PRKN: variants seen among roughly 807,000 people sequenced by gnomAD.
PRKN encodes the protein E3 ubiquitin-protein ligase parkin.
Under a neutral mutation model 59.5 loss-of-function variants are expected in PRKN, and 56 were observed. That is an observed-to-expected ratio of 0.94 (90% CI 0.76 to 1.18). PRKN has a LOEUF of 1.18. PRKN is among the 50% of genes most tolerant of loss of function. The probability of loss-of-function intolerance (pLI) is 0.00; values close to 1 mark genes in which losing one functional copy is unlikely to be tolerated. For synonymous variants in PRKN, 250 were observed against 222.1 expected (o/e 1.13, Z -1.12); for missense variants, 657 against 596.4 (o/e 1.10, Z -1.06).
At chr6:162,073,353 C>T (rs553241032) in intron 4 of PRKN, among the ~76,000 whole-genome samples, 6 of 152,206 alleles carry the variant, frequency 3.9e-5, no homozygotes, top group African/African-American at 1.4e-4. Context: ...CTCAGTACTG[C>T]CAAGTTAACT....
intron 9 of PRKN, among the ~76,000 whole-genome samples, chr6:161,500,470 C>T (rs1443888154): frequency 6.6e-6 from 1 of 152,182 alleles, no homozygotes; most frequent in Non-Finnish European, 1.5e-5. Flanking sequence ...ATCCTTTCCT[C>T]CCCAAACCCC....
chr6:162,597,781 C>T (rs1781548985), intron 1 of PRKN, among the ~76,000 whole-genome samples: 1 of 152,114 alleles, frequency 6.6e-6, no homozygotes, highest in Non-Finnish European at 1.5e-5. Flanking sequence ...GGCCTGGTCC[C>T]CCACAGGGTG....
intron 7 of PRKN, among the ~76,000 whole-genome samples, chr6:161,713,351 C>G (rs575904975): frequency 1.5e-4 from 23 of 152,224 alleles, no homozygotes; most frequent in African/African-American, 5.3e-4. Flanking sequence ...TCTAGTACCC[C>G]CTTCCCAGAG....
chr6:161,643,626 T>C (rs1474139931), intron 7 of PRKN, among the ~76,000 whole-genome samples: 1 of 152,218 alleles, frequency 6.6e-6, no homozygotes, highest in Non-Finnish European at 1.5e-5. Flanking sequence ...AGATGTCATA[T>C]AACTATCTCT....
rs1790119677 is a variant in PRKN, at chr6:161,459,699, T to C, written c.1084-72822A>G. 6.6e-6 allele frequency among the ~76,000 whole-genome samples: 1 copy of C among 152,216 alleles called. No homozygotes were observed. The highest frequency in any genetic ancestry group is 1.5e-5 in the Non-Finnish European group (1 of 68,038). ...TTAGAGGTTTCCACTTATATGTAGATTTGTCCAGGGTCCTAGGAAACTAGC... is the reference window on the plus strand; with the variant it reads ...TTAGAGGTTTCCACTTATATGTAGACTTGTCCAGGGTCCTAGGAAACTAGC... On this transcript the variant is annotated intron_variant, in intron 9 of 11. Transcript: ENST00000366898. The surrounding 1 kb of genome is among the most constrained non-coding windows in gnomAD (Gnocchi z 4.8).
At chr6:161,625,561 A>C (rs547252887) in intron 7 of PRKN, among the ~76,000 whole-genome samples, 23 of 152,338 alleles carry the variant, frequency 1.5e-4, no homozygotes, top group African/African-American at 5.5e-4. Flanking sequence ...TTAAAGTATA[A>C]TTTTAAAAAA....
chr6:161,684,698 T>G (rs1785490622), intron 7 of PRKN, among the ~76,000 whole-genome samples: 1 of 151,746 alleles, frequency 6.6e-6, no homozygotes, highest in Admixed American at 6.6e-5. Flanking sequence ...TATTTTAAAA[T>G]GAGATAATTT....
Position 161,900,573 on chromosome 6 carries a change from GTAATATATTATATAT to G in PRKN, c.734+72714_734+72728del, listed in dbSNP as rs1288627039. 5.8e-4 allele frequency among the ~76,000 whole-genome samples: 48 copies of G among 83,430 alleles called. 1 individual carries two copies. The highest frequency in any genetic ancestry group is 1.7e-3 in the African/African-American group (37 of 21,418). The allele number at this position is 83,430 out of a possible 152,430, so 54.7% of individuals were successfully genotyped here. A position where few individuals can be genotyped will look rare whatever the true frequency, so the allele number is the denominator to read the frequency against. On this transcript the variant is annotated intron_variant, in intron 6 of 11. Transcript: ENST00000366898. ...ACATATTTTATATGTTATATATTATGTAATATATTATATATTAATATATTATATATTAATATACTG... is the reference window on the plus strand; with the variant it reads ...ACATATTTTATATGTTATATATTATGTAATATATTATATATTAATATACTG...
chr6:162,380,056 C>G (rs1001290209), intron 2 of PRKN, among the ~76,000 whole-genome samples: 9 of 152,194 alleles, frequency 5.9e-5, no homozygotes, highest in African/African-American at 2.2e-4. Context: ...AAGACACCCA[C>G]TAGTATATTA....
intron 3 of PRKN, among the ~76,000 whole-genome samples, chr6:162,237,997 T>C (rs1475429735): frequency 1.3e-5 from 2 of 152,074 alleles, no homozygotes; most frequent in African/African-American, 4.8e-5. Flanking sequence ...GAGGAAGAAA[T>C]AGGAAACCTG....
chr6:161,637,780 T>A (rs1324617297), intron 7 of PRKN, among the ~76,000 whole-genome samples: 2 of 152,010 alleles, frequency 1.3e-5, no homozygotes, highest in African/African-American at 2.4e-5. Flanking sequence ...CAATTCTGTT[T>A]AGGATACAGT....
intron 2 of PRKN, among the ~76,000 whole-genome samples, chr6:162,397,429 T>C (rs1349734303): frequency 1.3e-5 from 2 of 152,062 alleles, no homozygotes; most frequent in Non-Finnish European, 2.9e-5. Context: ...TTTCTGCTTC[T>C]TGTAATTGAA....
chr6:162,457,772 A>G (rs991923326), intron 1 of PRKN, among the ~76,000 whole-genome samples: 11 of 152,198 alleles, frequency 7.2e-5, no homozygotes, highest in African/African-American at 2.4e-4. Flanking sequence ...TGCTTTGCTC[A>G]TTTTTATATA....
Position 161,457,855 on chromosome 6 carries a change from T to C in PRKN, c.1084-70978A>G, listed in dbSNP as rs1422041895. Among the ~76,000 whole-genome samples, 1 of 152,198 alleles carries C rather than the reference T, an allele frequency of 6.6e-6. No individual in the cohort carries two copies. Among genetic ancestry groups the C allele is most frequent in the African/African-American group, 2.4e-5 (1 of 41,462 alleles). On this transcript the variant is annotated intron_variant, in intron 9 of 11. Transcript: ENST00000366898. The surrounding 1 kb of genome is among the most constrained non-coding windows in gnomAD (Gnocchi z 5.0). ...TGACCGCACATGTAAGTTAAAGAAA[T>C]AGTGGCCTTCTTTTGTCTTTCCTTT... is the stretch of plus-strand genomic sequence containing the variant.
At chr6:161,600,753 CT>C (rs1782076900) in intron 7 of PRKN, among the ~76,000 whole-genome samples, 1 of 152,040 alleles carries the variant, frequency 6.6e-6, no homozygotes, top group Non-Finnish European at 1.5e-5. Flanking sequence ...TCTTTCTTTC[CT>C]TTCTTATTTC....
At position 161,446,006 on chromosome 6, in the gene PRKN, C is replaced by A. The variant is rs903016216; in HGVS notation, c.1084-59129G>T. 1.3e-5 allele frequency among the ~76,000 whole-genome samples: 2 copies of A among 151,766 alleles called. No homozygotes were observed. The highest frequency in any genetic ancestry group is 2.4e-5 in the African/African-American group (1 of 41,368). On this transcript the variant is annotated intron_variant, in intron 9 of 11. Transcript: ENST00000366898. This position sits in a 1 kb window ranked among gnomAD's most constrained non-coding sequence, Gnocchi z 6.2. ...ACTGTTTGAGCCCAGGAGTTTGAGA[C>A]CAGCCTGGGCAACATGGTGAAACCC... is the stretch of plus-strand genomic sequence containing the variant.
At chr6:161,540,958 T>C (rs1048965412) in intron 9 of PRKN, among the ~76,000 whole-genome samples, 1 of 152,252 alleles carries the variant, frequency 6.6e-6, no homozygotes, top group African/African-American at 2.4e-5. Flanking sequence ...TGGAAAATGC[T>C]GCTCTATATT....
chr6:161,804,414 G>A (rs1351556768), intron 6 of PRKN, among the ~76,000 whole-genome samples: 2 of 152,162 alleles, frequency 1.3e-5, no homozygotes, highest in East Asian at 1.9e-4. Flanking sequence ...CTCGATGTAG[G>A]AGGAAGGCAA....
At chr6:161,540,984 T>C (rs1041019772) in intron 9 of PRKN, among the ~76,000 whole-genome samples, 1 of 152,210 alleles carries the variant, frequency 6.6e-6, no homozygotes, top group African/African-American at 2.4e-5. Context: ...AGTCAAGAAA[T>C]TGCTTTATTT....
Sources: gnomAD v4.1 joint callset for allele counts (sites outside exome capture counted in the v4.1 genomes callset) on GRCh38, gnomAD v4.1.1 for gene constraint, Gnocchi (gnomAD v3.1) non-coding constraint, MANE v1.5 for transcripts, NCBI Gene and HGNC (gene_info 2026-07-23, HGNC 2026-07-21) for gene names.